Variants in INPP4B observed in about 807,000 individuals in gnomAD.
The protein encoded by INPP4B is inositol polyphosphate-4-phosphatase type II B, also known as inositol polyphosphate 4-phosphatase type II.
A neutral mutation model predicts 122.5 loss-of-function variants in INPP4B; 55 were observed. The observed-to-expected ratio is 0.45, with a 90% CI of 0.36 to 0.56. The LOEUF (loss-of-function observed/expected upper bound fraction) is 0.56. Among genes scored for constraint, INPP4B ranks in the 20% least tolerant of loss-of-function variants. The pLI is 0.00. For missense variants in INPP4B, 1,000 were observed against 1,097.7 expected, an observed-to-expected ratio of 0.91 and a Z score of 1.26; for synonymous variants, 403 against 388.7, an observed-to-expected ratio of 1.04 and a Z score of -0.43.
At position 142,337,689 on chromosome 4, in the gene INPP4B, ATATAT is replaced by A. The variant is rs1307733892; in HGVS notation, c.373-22932_373-22928del. The stretch of plus-strand genomic sequence containing the variant: ...CCTTTATTCATTATATATATATTAT[ATATAT>A]TATTTTATGTATATTATATATAATA... On this transcript the variant is annotated intron_variant, in intron 7 of 25. Coordinates refer to ENST00000262992, the MANE Select transcript of INPP4B (RefSeq NM_001101669.3). Among the ~76,000 whole-genome samples the A allele has an allele frequency of 2.1e-5, 3 of 140,600 alleles. No homozygotes were observed. In the East Asian group the frequency reaches 6.1e-4, roughly 28 times the overall value. The allele number at this position is 140,600 out of a possible 152,430, so 92.2% of individuals were successfully genotyped here.
At chr4:142,042,245 C>T (rs980689105) in intron 25 of INPP4B, among the ~76,000 whole-genome samples, 2 of 152,092 alleles carry the variant, frequency 1.3e-5, no homozygotes, top group Non-Finnish European at 2.9e-5. Flanking sequence ...ATGCTAGTGG[C>T]ATAGTAAAAA....
chr4:142,357,937 C>G (rs915949796), intron 7 of INPP4B, among the ~76,000 whole-genome samples: 1 of 151,820 alleles, frequency 6.6e-6, no homozygotes, highest in Non-Finnish European at 1.5e-5. Flanking sequence ...AAAATAGGAT[C>G]AAGAAAGGAC....
At chr4:142,141,899 A>G (rs1336721153) in intron 18 of INPP4B, among the ~76,000 whole-genome samples, 1 of 152,102 alleles carries the variant, frequency 6.6e-6, no homozygotes, top group African/African-American at 2.4e-5. Context: ...CTGTCATAGG[A>G]TTGATTTACT....
At chr4:142,301,649 G>C (rs188087512) in intron 9 of INPP4B, among the ~76,000 whole-genome samples, 312 of 152,190 alleles carry the variant, frequency 2.1e-3, no homozygotes, top group African/African-American at 7.0e-3. Flanking sequence ...CACATAACTG[G>C]TAACATCAAT....
chr4:142,252,250 G>A (rs905111047), intron 11 of INPP4B, among the ~76,000 whole-genome samples: 9 of 146,442 alleles, frequency 6.1e-5, no homozygotes, highest in African/African-American at 1.0e-4. Flanking sequence ...GTGCAGTGGC[G>A]CGATCTCGGC....
At chr4:142,595,621 TAAAC>T (rs542863839) in intron 2 of INPP4B, among the ~76,000 whole-genome samples, 68 of 152,214 alleles carry the variant, frequency 4.5e-4, no homozygotes, top group Non-Finnish European at 7.5e-4. Context: ...TTTGGGAAAG[TAAAC>T]AAACAGAACT....
intron 2 of INPP4B, among the ~76,000 whole-genome samples, chr4:142,686,889 C>G (rs1043993593): frequency 2.0e-5 from 3 of 151,898 alleles, no homozygotes; most frequent in Admixed American, 2.0e-4. Flanking sequence ...AAACTGGAAA[C>G]AGAAAATGTT....
At chr4:142,446,076 TTATC>T (rs972269137) in intron 3 of INPP4B, among the ~76,000 whole-genome samples, 15 of 151,964 alleles carry the variant, frequency 9.9e-5, no homozygotes, top group African/African-American at 3.1e-4. Flanking sequence ...CTCAAATCAA[TTATC>T]TAAGCTTTTA....
At chr4:142,614,838 G>A (rs1743354658) in intron 2 of INPP4B, among the ~76,000 whole-genome samples, 1 of 152,070 alleles carries the variant, frequency 6.6e-6, no homozygotes. Flanking sequence ...AAACCACAAT[G>A]AGATACCATC....
At chr4:142,806,644 T>G (rs906853997) in intron 1 of INPP4B, among the ~76,000 whole-genome samples, 11 of 151,392 alleles carry the variant, frequency 7.3e-5, no homozygotes, top group African/African-American at 2.7e-4. Context: ...CTCAACAGGC[T>G]GAGATGGAAG....
chr4:142,469,887 A>G (rs891661114), intron 2 of INPP4B, among the ~76,000 whole-genome samples: 1 of 152,158 alleles, frequency 6.6e-6, no homozygotes, highest in Non-Finnish European at 1.5e-5. Context: ...AATGTATAAT[A>G]AAGTGAGCAC....
chr4:142,160,387 G>A lies in INPP4B; in HGVS notation c.1534C>T (p.His512Tyr). 1 of 1,566,830 alleles carries A rather than the reference G, an allele frequency of 6.4e-7. No homozygotes were observed. Among genetic ancestry groups the A allele is most frequent in the South Asian group, 1.2e-5 (1 of 86,512 alleles). ...PVMRGQDSIP[H>Y]HSDYDEEEWD... ...TCTTCCTCATCATAGTCTGAATGAT[G>A]TGGTATGGAGTCCTGCCCTCTCATC... is the stretch of plus-strand genomic sequence containing the variant. Residue 512 changes from histidine (H) to tyrosine (Y), a missense_variant, in exon 17 of 26, where the codon CAT (histidine) becomes TAT (tyrosine). Coordinates refer to ENST00000262992, the MANE Select transcript of INPP4B (RefSeq NM_001101669.3).
At chr4:142,202,660 T>C (rs901014147) in intron 14 of INPP4B, 2 of 822,834 alleles carry the variant, frequency 2.4e-6, no homozygotes, top group African/African-American at 3.7e-5. Flanking sequence ...TTTTGGCTAC[T>C]GTTGGACCTG....
rs557401660 is a variant in INPP4B at position 142,452,061 on chromosome 4, A to G, written c.-127+10602T>C. 1.7e-3 allele frequency among the ~76,000 whole-genome samples: 256 copies of G among 151,974 alleles called. 1 individual carries two copies. The highest frequency in any genetic ancestry group is 5.6e-3 in the African/African-American group (234 of 41,438). On this transcript the variant is annotated intron_variant, in intron 3 of 25. Transcript: ENST00000262992. ...AATGCTATGATTCCCCTAGCCCCCC[A>G]CCTGCCGACAGGCCTCTGTGTGTGA...
At chr4:142,443,549 C>T (rs1812276345) in intron 3 of INPP4B, among the ~76,000 whole-genome samples, 1 of 152,014 alleles carries the variant, frequency 6.6e-6, no homozygotes, top group South Asian at 2.1e-4. Context: ...AAAGTCCCAC[C>T]CCAAGACCCA....
intron 3 of INPP4B, among the ~76,000 whole-genome samples, chr4:142,453,006 A>G (rs764789108): frequency 6.6e-6 from 1 of 152,214 alleles, no homozygotes; most frequent in Non-Finnish European, 1.5e-5. Context: ...AAATCTAAGT[A>G]AAGGAAAATA....
chr4:142,256,946 A>C (rs549040428), intron 11 of INPP4B, among the ~76,000 whole-genome samples: 1 of 152,368 alleles, frequency 6.6e-6, no homozygotes, highest in African/African-American at 2.4e-5. Flanking sequence ...CTTTGATGCA[A>C]AAATCCTCAA....
At chr4:142,396,455 T>C (rs1339003564) in intron 7 of INPP4B, among the ~76,000 whole-genome samples, 2 of 152,118 alleles carry the variant, frequency 1.3e-5, no homozygotes, top group African/African-American at 4.8e-5. Context: ...TGGAAAAGTT[T>C]GGCAATATCA....
intron 11 of INPP4B, among the ~76,000 whole-genome samples, chr4:142,254,285 A>C (rs1295385077): frequency 6.7e-6 from 1 of 148,844 alleles, no homozygotes; most frequent in Non-Finnish European, 1.5e-5. Context: ...GAAACTCTAA[A>C]AAGCAGAGCG....
Sources: gnomAD v4.1 joint callset for allele counts (sites outside exome capture counted in the v4.1 genomes callset) on GRCh38, gnomAD v4.1.1 for gene constraint, MANE v1.5 for transcripts, NCBI Gene and HGNC (gene_info 2026-07-23, HGNC 2026-07-21) for gene names.